RNF144A: variants seen among roughly 807,000 people sequenced by gnomAD.
RNF144A encodes the protein E3 ubiquitin-protein ligase RNF144A.
In RNF144A, 11 loss-of-function variants were observed where a neutral mutation model predicts 38.7. The ratio of observed to expected loss-of-function variants is 0.28; its 90% CI spans 0.18 to 0.47. RNF144A has a LOEUF of 0.47. Ranked by LOEUF, RNF144A falls within the 20% of genes least tolerant of loss-of-function variation. The pLI, the probability that RNF144A is intolerant of heterozygous loss-of-function variation, is 0.99. For synonymous variants in RNF144A, 149 were observed against 143.9 expected (o/e 1.04, Z -0.25); for missense variants, 316 against 377.2 (o/e 0.84, Z 1.34).
chr2:7,025,587 G>A (rs1190694497), intron 7 of RNF144A, among the ~76,000 whole-genome samples: 1 of 152,160 alleles, frequency 6.6e-6, no homozygotes, highest in Non-Finnish European at 1.5e-5. Context: ...CACAAGAATT[G>A]CTTGAACCTG....
chr2:7,037,251 C>T (rs1393135328), intron 8 of RNF144A, among the ~76,000 whole-genome samples: 3 of 152,146 alleles, frequency 2.0e-5, no homozygotes, highest in Admixed American at 6.5e-5. Flanking sequence ...TTGGGTAACC[C>T]GGCTTCTCAA....
At chr2:7,054,860 C>T (rs1278313004) in intron 6 of RNF144A, among the ~76,000 whole-genome samples, 11 of 152,272 alleles carry the variant, frequency 7.2e-5, no homozygotes, top group Admixed American at 7.2e-4. Context: ...GACTAAGACA[C>T]TTTGCTTCTG....
downstream of RNF144A, among the ~76,000 whole-genome samples, chr2:7,070,780 G>A (rs13429664): frequency 0.22 from 33,743 of 151,950 alleles, 4,362 homozygotes; most frequent in East Asian, 0.49. Flanking sequence ...AAAGTTCCGC[G>A]ATTGCCAACA....
intron 2 of RNF144A, among the ~76,000 whole-genome samples, chr2:6,942,611 A>G (rs1474543797): frequency 6.6e-6 from 1 of 152,230 alleles, no homozygotes; most frequent in African/African-American, 2.4e-5. Flanking sequence ...GACTCCAGGC[A>G]CTTTAGTTTG....
At chr2:7,006,747 T>C (rs1402268536) in intron 3 of RNF144A, among the ~76,000 whole-genome samples, 1 of 151,098 alleles carries the variant, frequency 6.6e-6, no homozygotes, top group Non-Finnish European at 1.5e-5. Context: ...AACAGTATTC[T>C]CTGAAATAGA....
At chr2:6,973,203 A>T (rs577343776) in intron 2 of RNF144A, among the ~76,000 whole-genome samples, 1 of 152,320 alleles carries the variant, frequency 6.6e-6, no homozygotes, top group Admixed American at 6.5e-5. Flanking sequence ...TGAGTGTCCG[A>T]GCTGGGGTTC....
At chr2:6,993,918 TCTTA>T (rs1480443195) in intron 2 of RNF144A, among the ~76,000 whole-genome samples, 7 of 152,110 alleles carry the variant, frequency 4.6e-5, no homozygotes, top group African/African-American at 1.7e-4. Flanking sequence ...ATATATTGCT[TCTTA>T]CTTCTCACTC....
At chr2:7,004,029 T>A (rs1162425637) in intron 3 of RNF144A, among the ~76,000 whole-genome samples, 1 of 152,240 alleles carries the variant, frequency 6.6e-6, no homozygotes, top group Non-Finnish European at 1.5e-5. Flanking sequence ...TTAACTTCCC[T>A]CTCTCCTCTT....
At chr2:6,969,105 A>G (rs552970916) in intron 2 of RNF144A, among the ~76,000 whole-genome samples, 20 of 152,318 alleles carry the variant, frequency 1.3e-4, no homozygotes, top group African/African-American at 4.6e-4. Context: ...CCTGTAGTGC[A>G]TCAATGCCAT....
chr2:7,002,007 C>T (rs181523238), intron 3 of RNF144A, among the ~76,000 whole-genome samples: 3 of 152,274 alleles, frequency 2.0e-5, no homozygotes, highest in South Asian at 2.1e-4. Flanking sequence ...ATAAGTAATA[C>T]GATATTATTT....
At chr2:6,991,761 C>G (rs1217771395) in intron 2 of RNF144A, among the ~76,000 whole-genome samples, 2 of 152,150 alleles carry the variant, frequency 1.3e-5, no homozygotes, top group Non-Finnish European at 2.9e-5. Flanking sequence ...GTCTCTCTCT[C>G]TCATACATAC....
chr2:6,937,895 G>A (rs1572219493), intron 1 of RNF144A, among the ~76,000 whole-genome samples: 3 of 152,348 alleles, frequency 2.0e-5, no homozygotes, highest in Middle Eastern at 6.8e-3. Flanking sequence ...TAAAGGAGCA[G>A]TAACGAGGGA....
At chr2:7,030,257 CTGTGTGTGTGTGTGTGTGTGTGTGTGTG>C (rs58324246) in intron 8 of RNF144A, 42 bp downstream of exon 8, 16 of 724,932 alleles carry the variant, frequency 2.2e-5, no homozygotes, top group African/African-American at 1.5e-4. Context: ...CAGAGAGAGA[CTGTGTGTGTGTGTGTGTGTGTGTGTGTG>C]TGTGTGTGTG....
chr2:6,946,208 G>C (rs1366891512), intron 2 of RNF144A, among the ~76,000 whole-genome samples: 1 of 152,164 alleles, frequency 6.6e-6, no homozygotes, highest in Non-Finnish European at 1.5e-5. Flanking sequence ...ATAGACACAT[G>C]CATATACATT....
chr2:7,032,470 G>A (rs1229178004), intron 8 of RNF144A, among the ~76,000 whole-genome samples: 2 of 152,260 alleles, frequency 1.3e-5, no homozygotes, highest in East Asian at 1.9e-4. Context: ...CAGTCCTGGA[G>A]CTCAGAATTC....
intron 3 of RNF144A, 47 bp from the exon 4 acceptor site, chr2:7,014,407 T>A: frequency 8.0e-7 from 1 of 1,254,620 alleles, no homozygotes; most frequent in South Asian, 1.2e-5. Flanking sequence ...TTCTTCAGCA[T>A]TAAGGAGGTA....
intron 6 of RNF144A, among the ~76,000 whole-genome samples, 176 bp from the exon 7 acceptor site, chr2:7,024,193 A>G (rs1306466636): frequency 1.5e-5 from 2 of 132,946 alleles, no homozygotes; most frequent in African/African-American, 2.5e-5. Flanking sequence ...TGTTCTGGTT[A>G]ATTTTTTTTT....
chr2:6,947,931 C>T lies in RNF144A; in HGVS notation c.-12+6784C>T, dbSNP rs547555180. ...TGTATTGAAGGATGGGGAAACTGTT[C>T]ATAACGTGTGATCAACATTCAGATG... On this transcript the variant is annotated intron_variant, in intron 2 of 8. Coordinates refer to ENST00000320892, the MANE Select transcript of RNF144A (RefSeq NM_014746.6). 8.5e-5 allele frequency among the ~76,000 whole-genome samples: 13 copies of T among 152,314 alleles called. No homozygotes were observed. The South Asian group carries it at 2.7e-3, about 32-fold the overall frequency.
At chr2:6,936,839 A>G (rs928986329) in intron 1 of RNF144A, among the ~76,000 whole-genome samples, 1 of 105,494 alleles carries the variant, frequency 9.5e-6, no homozygotes, top group Non-Finnish European at 2.1e-5. Flanking sequence ...CAAGTCACAC[A>G]CAGTAGTGTG....
Sources: gnomAD v4.1 joint callset for allele counts (sites outside exome capture counted in the v4.1 genomes callset) on GRCh38, gnomAD v4.1.1 for gene constraint, MANE v1.5 for transcripts, NCBI Gene and HGNC (gene_info 2026-07-23, HGNC 2026-07-21) for gene names.